Variants in TRDN observed in about 807,000 individuals in gnomAD.
TRDN encodes the protein triadin in skeletal muscle.
Under a neutral mutation model 149.7 loss-of-function variants are expected in TRDN, and 161 were observed. That is an observed-to-expected ratio of 1.08 (90% CI 0.95 to 1.23). The LOEUF (loss-of-function observed/expected upper bound fraction) is 1.23. Ranked by LOEUF, TRDN falls within the 50% of genes most tolerant of loss-of-function variation. The pLI, the probability that TRDN is intolerant of heterozygous loss-of-function variation, is 0.00. For missense variants in TRDN, 896 were observed against 823.5 expected (o/e 1.09, Z -1.08); for synonymous variants, 294 against 250.5 (o/e 1.17, Z -1.64).
intron 2 of TRDN, among the ~76,000 whole-genome samples, chr6:123,569,269 C>T (rs1562395245): frequency 6.6e-6 from 1 of 152,164 alleles, no homozygotes; most frequent in African/African-American, 2.4e-5. Flanking sequence ...CATCTGAGAC[C>T]TCATCAGCTT....
At chr6:123,236,795 T>A (rs1775804289) in intron 38 of TRDN, among the ~76,000 whole-genome samples, 1 of 152,174 alleles carries the variant, frequency 6.6e-6, no homozygotes, top group Non-Finnish European at 1.5e-5. Flanking sequence ...CATTGATCTA[T>A]GTGGCTATAT....
chr6:123,320,156 C>T (rs144909892), intron 23 of TRDN, among the ~76,000 whole-genome samples: 304 of 151,798 alleles, frequency 2.0e-3, no homozygotes, highest in Non-Finnish European at 3.9e-3. Context: ...TTGTTATTAT[C>T]ACGGTTGTTT....
intron 4 of TRDN, among the ~76,000 whole-genome samples, chr6:123,540,894 C>T (rs1392978654): frequency 6.6e-6 from 1 of 152,140 alleles, no homozygotes; most frequent in Non-Finnish European, 1.5e-5. Context: ...AGTTGAGAAC[C>T]ATTGGTAAGC....
chr6:123,506,286 T>C (rs577895219), intron 7 of TRDN, among the ~76,000 whole-genome samples: 1 of 152,240 alleles, frequency 6.6e-6, no homozygotes, highest in South Asian at 2.1e-4. Flanking sequence ...ACAGCAAAAT[T>C]AAAACCGTGC....
Position 123,216,512 on chromosome 6 carries a change from G to A in TRDN, c.*2089C>T, listed in dbSNP as rs557991941. ...AATTCTAATTACAATAAAATATATC[G>A]TTTTATCTTATCAAATAGTTTTTAT... On this transcript the variant is annotated 3_prime_UTR_variant, in exon 41 of 41. Coordinates refer to ENST00000334268, the MANE Select transcript of TRDN (RefSeq NM_006073.4). 9 of 151,630 alleles carry A rather than the reference G, an allele frequency of 5.9e-5. No individual in the cohort carries two copies. Among genetic ancestry groups the A allele is most frequent in the South Asian group, 2.1e-4 (1 of 4,818 alleles). The allele number at this position is 151,630 out of a possible 1,614,324, so 9.4% of individuals were successfully genotyped here.
In TRDN at chr6:123,516,205, A is replaced by G; in HGVS notation, c.486T>C (p.Val162=). The G allele has an allele frequency of 6.7e-7, 1 of 1,481,506 alleles. No individual in the cohort carries two copies. The highest frequency in any genetic ancestry group is 9.1e-7 in the Non-Finnish European group (1 of 1,104,720). The allele number at this position is 1,481,506 out of a possible 1,614,324, so 91.8% of individuals were successfully genotyped here. A position where few individuals can be genotyped will look rare whatever the true frequency, so the allele number is the denominator to read the frequency against. Residue 162 remains valine, a splice_region_variant and synonymous_variant, in exon 6 of 41, where the codon GTT becomes GTC. Coordinates refer to ENST00000334268, the MANE Select transcript of TRDN (RefSeq NM_006073.4). ...EKPERKIQTK[V]THKEKEKGKE... The stretch of plus-strand genomic sequence containing the variant: ...TTCCTTTTTCTTTTTCTTTGTGTGT[A>G]ACTGAAAAGAAACAGATAAATAGTT...
chr6:123,502,868 A>G (rs567398276), intron 8 of TRDN: 2 of 985,292 alleles, frequency 2.0e-6, no homozygotes, highest in East Asian at 1.1e-4. Flanking sequence ...TCTGTAAAGG[A>G]GTCTCAGGAT....
intron 19 of TRDN, among the ~76,000 whole-genome samples, chr6:123,373,212 G>T (rs1781385943): frequency 6.6e-6 from 1 of 152,070 alleles, no homozygotes; most frequent in South Asian, 2.1e-4. Context: ...TGAATCATGG[G>T]GGCAAGTCTT....
At chr6:123,329,584 G>A (rs903399536) in intron 23 of TRDN, among the ~76,000 whole-genome samples, 3 of 152,036 alleles carry the variant, frequency 2.0e-5, no homozygotes, top group East Asian at 3.9e-4. Context: ...ATTACACTTT[G>A]CTGATAAAAT....
chr6:123,513,896 C>T (rs1779295496), intron 6 of TRDN, among the ~76,000 whole-genome samples: 1 of 151,854 alleles, frequency 6.6e-6, no homozygotes, highest in Admixed American at 6.6e-5. Flanking sequence ...TTTAACAAAA[C>T]AAAAAACTTC....
intron 1 of TRDN, among the ~76,000 whole-genome samples, chr6:123,636,283 G>C (rs1786311064): frequency 6.6e-6 from 1 of 151,788 alleles, no homozygotes; most frequent in Non-Finnish European, 1.5e-5. Flanking sequence ...ACAAATTTAA[G>C]GTCTCCATTT....
At chr6:123,588,246 TTTTA>T (rs1783604293) in intron 1 of TRDN, among the ~76,000 whole-genome samples, 3 of 152,166 alleles carry the variant, frequency 2.0e-5, no homozygotes, top group African/African-American at 4.8e-5. Flanking sequence ...GGTACAATAT[TTTTA>T]TTTCTTGTAG....
intron 24 of TRDN, among the ~76,000 whole-genome samples, chr6:123,291,149 T>G (rs1242757975): frequency 1.3e-5 from 2 of 151,852 alleles, no homozygotes; most frequent in Non-Finnish European, 2.9e-5. Flanking sequence ...GGAGTGAGAC[T>G]CTGTCAAAAA....
intron 14 of TRDN, among the ~76,000 whole-genome samples, chr6:123,385,864 C>T (rs1175802300): frequency 1.3e-5 from 2 of 152,048 alleles, no homozygotes; most frequent in East Asian, 3.9e-4. Context: ...TGATTACACA[C>T]ACCTAAGAAG....
At chr6:123,357,464 A>G (rs183742502) in intron 20 of TRDN, among the ~76,000 whole-genome samples, 1 of 152,106 alleles carries the variant, frequency 6.6e-6, no homozygotes, top group African/African-American at 2.4e-5. Flanking sequence ...CAGAGAGGAG[A>G]TAAGGGATAG....
chr6:123,629,647 T>C (rs1583349114), intron 1 of TRDN, among the ~76,000 whole-genome samples: 1 of 152,128 alleles, frequency 6.6e-6, no homozygotes, highest in Non-Finnish European at 1.5e-5. Flanking sequence ...TATATTTAAA[T>C]GTAATATTTA....
At chr6:123,432,522 C>T (rs1334532650) in intron 12 of TRDN, among the ~76,000 whole-genome samples, 3 of 151,984 alleles carry the variant, frequency 2.0e-5, no homozygotes, top group Non-Finnish European at 4.4e-5. Context: ...TATTCTGTCC[C>T]TCTGAGCATC....
At chr6:123,573,036 A>G (rs1374382547) in intron 1 of TRDN, among the ~76,000 whole-genome samples, 2 of 152,080 alleles carry the variant, frequency 1.3e-5, no homozygotes, top group African/African-American at 4.8e-5. Flanking sequence ...GCTTCTTTCC[A>G]TCAGTCTCTT....
chr6:123,221,433 G>T, intron 40 of TRDN, 54 bp downstream of exon 40: 1 of 1,310,202 alleles, frequency 7.6e-7, no homozygotes, highest in Non-Finnish European at 1.1e-6. Flanking sequence ...TTACATAGAT[G>T]TAGCATCTTT....
Sources: gnomAD v4.1 joint callset for allele counts (sites outside exome capture counted in the v4.1 genomes callset) on GRCh38, gnomAD v4.1.1 for gene constraint, MANE v1.5 for transcripts, NCBI Gene and HGNC (gene_info 2026-07-23, HGNC 2026-07-21) for gene names.